The following DAP3 variants were observed in gnomAD, a reference collection of about 807,000 sequenced individuals.
The protein encoded by DAP3 is death associated protein 3, also known as small ribosomal subunit protein mS29.
In DAP3, 28 loss-of-function variants were observed where a neutral mutation model predicts 51.9. That is an observed-to-expected ratio of 0.54 (90% CI 0.40 to 0.74). The LOEUF is 0.74. DAP3 is among the 30% of genes least tolerant of loss of function. The pLI is 0.00. For missense variants in DAP3, 458 were observed against 483.5 expected, an observed-to-expected ratio of 0.95 and a Z score of 0.49; for synonymous variants, 170 against 170.3, an observed-to-expected ratio of 1.00 and a Z score of 0.01.
chr1:155,737,832 C>A (rs1481017822), intron 12 of DAP3, among the ~76,000 whole-genome samples: 1 of 151,806 alleles, frequency 6.6e-6, no homozygotes. Context: ...GAGTGTAAGA[C>A]TAACTGTAGC....
intron 1 of DAP3, among the ~76,000 whole-genome samples, chr1:155,708,380 G>C (rs556060970): frequency 1.3e-5 from 2 of 152,116 alleles, no homozygotes; most frequent in Admixed American, 6.6e-5. Flanking sequence ...ACTTTGCAAA[G>C]ATAGTGTATT....
chr1:155,708,540 G>GTTTTTTTTTT (rs151238139), intron 1 of DAP3, among the ~76,000 whole-genome samples: 1 of 103,266 alleles, frequency 9.7e-6, no homozygotes, highest in Non-Finnish European at 1.9e-5. Flanking sequence ...TTCTGTTTTT[G>GTTTTTTTTTT]TTTTTTTTTT....
In DAP3 at chr1:155,729,115, T is replaced by C. The variant is rs749717538; in HGVS notation, c.677T>C (p.Val226Ala). 3.1e-6 allele frequency: 5 copies of C among 1,614,016 alleles called. No homozygotes were observed. In the East Asian group the frequency reaches 1.1e-4, roughly 36 times the overall value. ...TEKGSPLGEV[V>A]EQGITRVRNA... is the part of the protein sequence containing the mutation. ...AAAGGGAGTCCTCTGGGAGAAGTGG[T>C]TGAACAGGTATAAGAAAAAACACTG... The change falls in exon 8 of 13, where the codon GTT (valine) becomes GCT (alanine). Residue 226 changes from valine (V) to alanine (A), a missense_variant. Coordinates refer to ENST00000368336, the MANE Select transcript of DAP3 (RefSeq NM_004632.4).
upstream of DAP3, chr1:155,687,982 G>C: frequency 7.1e-7 from 1 of 1,401,806 alleles, no homozygotes; most frequent in Non-Finnish European, 9.7e-7. Context: ...GTCCAGGTCC[G>C]GGAGATGACA....
intron 1 of DAP3, among the ~76,000 whole-genome samples, chr1:155,694,921 G>C (rs777627639): frequency 2.0e-5 from 3 of 151,948 alleles, no homozygotes; most frequent in Non-Finnish European, 4.4e-5. Context: ...AAGGTAACAA[G>C]AGCCAATTGT....
chr1:155,688,173 T>C (rs1652831110), upstream of DAP3: 7 of 1,613,902 alleles, frequency 4.3e-6, no homozygotes, highest in Non-Finnish European at 5.9e-6. Context: ...CCCTCCCGCT[T>C]GTCAGGAGGC....
chr1:155,689,697 A>G lies in DAP3; in HGVS notation c.-8+523A>G, dbSNP rs1653420398. The stretch of plus-strand genomic sequence containing the variant: ...GGGAGGCCGAGGCAGGTGGATGACA[A>G]GGTGAAGAGATCGAGACAATCCTGG... On this transcript the variant is annotated intron_variant, in intron 1 of 12. Transcript: ENST00000368336. 9.4e-6 allele frequency: 3 copies of G among 320,534 alleles called. No homozygotes were observed. In the Admixed American group the frequency reaches 1.3e-4, roughly 14 times the overall value. The allele number at this position is 320,534 out of a possible 1,614,324, so 19.9% of individuals were successfully genotyped here. A position where few individuals can be genotyped will look rare whatever the true frequency, so the allele number is the denominator to read the frequency against.
chr1:155,694,428 G>A (rs796814648), intron 1 of DAP3, among the ~76,000 whole-genome samples: 1 of 141,512 alleles, frequency 7.1e-6, no homozygotes, highest in Admixed American at 6.6e-5. Context: ...GTAGCCACAG[G>A]GAGACTTACC....
At chr1:155,688,992 G>A, upstream of DAP3, 1 of 1,603,574 alleles carries the variant, frequency 6.2e-7, no homozygotes, top group Non-Finnish European at 8.5e-7. Context: ...CGCGGCGAGG[G>A]GATCGAGGGC....
rs763504214 is a variant in DAP3 at position 155,727,752 on chromosome 1, C to A, written c.603+14C>A. The stretch of plus-strand genomic sequence containing the variant: ...TTCCTGAACCAGGTGACTAGACTCC[C>A]AGAAGTTGAGTGCTAGGTAGTCCTT... On this transcript the variant is annotated intron_variant, in intron 7 of 12. Transcript: ENST00000368336. The A allele has an allele frequency of 6.2e-7, 1 of 1,612,954 alleles. No homozygotes were observed. Among genetic ancestry groups the A allele is most frequent in the Admixed American group, 1.7e-5 (1 of 59,848 alleles).
At chr1:155,737,292 C>G (rs1035077799) in intron 12 of DAP3, among the ~76,000 whole-genome samples, 4 of 152,154 alleles carry the variant, frequency 2.6e-5, no homozygotes, top group Non-Finnish European at 5.9e-5. Context: ...AAGAAGGGAA[C>G]AAAGGCAACT....
At chr1:155,709,935 A>G (rs1013747794) in intron 2 of DAP3, 111 bp downstream of exon 2, 1 of 936,784 alleles carries the variant, frequency 1.1e-6, no homozygotes, top group African/African-American at 1.6e-5. Context: ...AAAACTTCAT[A>G]TGTAACAGGT....
At chr1:155,712,103 C>G (rs1267346841) in intron 2 of DAP3, among the ~76,000 whole-genome samples, 2 of 151,976 alleles carry the variant, frequency 1.3e-5, no homozygotes, top group African/African-American at 4.8e-5. Flanking sequence ...CAGACACACC[C>G]AGGAACAATA....
rs768475129 is a variant in DAP3, at chr1:155,726,027, C to T, written c.472+8C>T. On this transcript the variant is annotated splice_region_variant and intron_variant, in intron 6 of 12. Coordinates refer to ENST00000368336, the MANE Select transcript of DAP3 (RefSeq NM_004632.4). Reference sequence around the variant, plus strand: ...TACTACATATTCCAGATGGTAAGAACTTCCTGTTGTTTCTTCTGTCTGTTA... The same window carrying T: ...TACTACATATTCCAGATGGTAAGAATTTCCTGTTGTTTCTTCTGTCTGTTA... The T allele has an allele frequency of 6.2e-7, 1 of 1,610,460 alleles. No homozygotes were observed. The highest frequency in any genetic ancestry group is 1.1e-5 in the South Asian group (1 of 90,896).
rs543253325 is a variant in DAP3, at chr1:155,715,020, T to C, written c.46-1986T>C. ...GAGTTTGAGACCAGCCTGGCCAACA[T>C]GGCAAAATCCTGTCTCTACTAAAAA... On this transcript the variant is annotated intron_variant, in intron 2 of 12. Coordinates refer to ENST00000368336, the MANE Select transcript of DAP3 (RefSeq NM_004632.4). Among the ~76,000 whole-genome samples the C allele has an allele frequency of 4.6e-5, 7 of 151,298 alleles. No individual in the cohort carries two copies. The East Asian group carries it at 1.4e-3, about 30-fold the overall frequency.
chr1:155,732,806 T>A (rs1401808509), intron 11 of DAP3, among the ~76,000 whole-genome samples: 2 of 151,748 alleles, frequency 1.3e-5, no homozygotes, highest in Non-Finnish European at 2.9e-5. Context: ...AGGCGGATCA[T>A]GAGGTCAGGA....
At chr1:155,720,194 G>A (rs529446223) in intron 3 of DAP3, among the ~76,000 whole-genome samples, 14 of 151,628 alleles carry the variant, frequency 9.2e-5, no homozygotes, top group African/African-American at 3.1e-4. Context: ...GTGTAGTGGT[G>A]CACACCTGTG....
upstream of DAP3, chr1:155,688,088 G>A (rs914434795): frequency 1.9e-6 from 3 of 1,593,078 alleles, no homozygotes; most frequent in Non-Finnish European, 8.6e-7. Context: ...GAGGCCGAGA[G>A]CGATGAGAGT....
chr1:155,737,005 G>A lies in DAP3; in HGVS notation c.1053G>A (p.Lys351=), dbSNP rs1207398384. ...TCCTGGTTTCCAACTATAACCCAAA[G>A]GAATTTGAAAGTTGTATTCAGTATT... ...IPILVSNYNP[K]EFESCIQYYL... Residue 351 remains lysine, a synonymous_variant, in exon 12 of 13, where the codon AAG becomes AAA. Coordinates refer to ENST00000368336, the MANE Select transcript of DAP3 (RefSeq NM_004632.4). 1 of 1,613,966 alleles carries A rather than the reference G, an allele frequency of 6.2e-7. No homozygotes were observed. The highest frequency in any genetic ancestry group is 1.3e-5 in the African/African-American group (1 of 74,894).
Sources: gnomAD v4.1 joint callset for allele counts (sites outside exome capture counted in the v4.1 genomes callset) on GRCh38, gnomAD v4.1.1 for gene constraint, MANE v1.5 for transcripts, NCBI Gene and HGNC (gene_info 2026-07-23, HGNC 2026-07-21) for gene names.